The following EXOC4 variants were observed in gnomAD, a reference collection of about 807,000 sequenced individuals.
EXOC4 encodes SEC8-like 1.
Under a neutral mutation model 107.2 loss-of-function variants are expected in EXOC4, and 71 were observed. The observed-to-expected ratio is 0.66, with a 90% CI of 0.55 to 0.81. The LOEUF (loss-of-function observed/expected upper bound fraction) is 0.81, where lower values mean the gene tolerates loss of function less well. EXOC4 is among the 30% of genes least tolerant of loss of function. The probability of loss-of-function intolerance (pLI) is 0.00; values close to 1 mark genes in which losing one functional copy is unlikely to be tolerated. For synonymous variants in EXOC4, 456 were observed against 441.2 expected, an observed-to-expected ratio of 1.03 and a Z score of -0.42; for missense variants, 1,108 against 1,189.6, an observed-to-expected ratio of 0.93 and a Z score of 1.01.
At chr7:133,565,610 A>G (rs1800892723) in intron 9 of EXOC4, among the ~76,000 whole-genome samples, 1 of 152,180 alleles carries the variant, frequency 6.6e-6, no homozygotes, top group Admixed American at 6.6e-5. Context: ...GATATACAGT[A>G]ACCAATCTTT....
rs1585320276 is a variant in EXOC4, at chr7:134,011,507, T to G, written c.2687+3672T>G. Among the ~76,000 whole-genome samples, 4 of 151,742 alleles carry G rather than the reference T, an allele frequency of 2.6e-5. No individual in the cohort carries two copies. In the South Asian group the frequency reaches 8.3e-4, roughly 32 times the overall value. On this transcript the variant is annotated intron_variant, in intron 17 of 17. Transcript: ENST00000253861. Reference sequence around the variant, plus strand: ...TCCTCAGTTTTTCCCCTGATTTTGGTTTTTTTTGGACTGGTATCTTTCATT... The same window carrying G: ...TCCTCAGTTTTTCCCCTGATTTTGGGTTTTTTTGGACTGGTATCTTTCATT...
chr7:133,841,187 C>T (rs970377603), intron 11 of EXOC4, among the ~76,000 whole-genome samples: 6 of 152,132 alleles, frequency 3.9e-5, no homozygotes, highest in African/African-American at 1.4e-4. Flanking sequence ...GGGCACTAAT[C>T]CCATTTCATG....
intron 11 of EXOC4, among the ~76,000 whole-genome samples, chr7:133,875,014 T>C (rs1402453655): frequency 6.6e-6 from 1 of 152,220 alleles, no homozygotes; most frequent in Non-Finnish European, 1.5e-5. Context: ...CTTCTGTAAC[T>C]ACAGATGCTT....
rs369110502 is a variant in EXOC4, at chr7:133,997,536, C to A, written c.2251C>A (p.Pro751Thr). Reference protein sequence around the residue: ...QDSHTNTDLPPVSEQIMQTLS... With the variant: ...QDSHTNTDLPTVSEQIMQTLS... ...CAGCCACACGAACACGGATCTCCCC[C>A]CAGTGTCAGAGCAGATCATGCAGAC... Residue 751 changes from proline (P) to threonine (T), a missense_variant, in exon 15 of 18, where the codon CCA becomes ACA. By Grantham distance (38) the Pro-to-Thr change is conservative (BLOSUM62 -1). Transcript: ENST00000253861. The A allele has an allele frequency of 1.1e-5, 18 of 1,613,764 alleles. No homozygotes were observed. In the East Asian group the frequency reaches 2.0e-4, roughly 18 times the overall value.
Position 133,701,224 on chromosome 7 carries a change from CTT to C in EXOC4, c.1514+71084_1514+71085del, listed in dbSNP as rs1216281929. Among the ~76,000 whole-genome samples, 3 of 151,966 alleles carry C rather than the reference CTT, an allele frequency of 2.0e-5. No individual in the cohort carries two copies. The East Asian group carries it at 5.8e-4, about 29-fold the overall frequency. ...GAAATTTTTTATTATCCAAATAGCT[CTT>C]ACATGCCCCCAAAAGATCTCCACAG... is the stretch of plus-strand genomic sequence containing the variant. On this transcript the variant is annotated intron_variant, in intron 10 of 17. Coordinates refer to ENST00000253861, the MANE Select transcript of EXOC4 (RefSeq NM_021807.4).
chr7:133,719,904 A>AGGATGGAT (rs111740110), intron 10 of EXOC4, among the ~76,000 whole-genome samples: 108 of 151,960 alleles, frequency 7.1e-4, no homozygotes, highest in South Asian at 6.9e-3. Context: ...TTCTCAGGAA[A>AGGATGGAT]GGATGGATGG....
intron 12 of EXOC4, among the ~76,000 whole-genome samples, chr7:133,906,171 A>G (rs556096804): frequency 6.6e-6 from 1 of 152,308 alleles, no homozygotes; most frequent in Admixed American, 6.5e-5. Context: ...AATAGCACAG[A>G]CTAGACACTA....
chr7:133,491,829 A>G (rs962497723), intron 9 of EXOC4, among the ~76,000 whole-genome samples: 12 of 152,226 alleles, frequency 7.9e-5, no homozygotes, highest in African/African-American at 2.9e-4. Context: ...CGAACTGGTA[A>G]GATGAGTTGA....
At chr7:133,747,405 G>A (rs1175450585) in intron 10 of EXOC4, among the ~76,000 whole-genome samples, 1 of 152,134 alleles carries the variant, frequency 6.6e-6, no homozygotes, top group Non-Finnish European at 1.5e-5. Flanking sequence ...TTTTCTTATG[G>A]CAGTGGTAGT....
the EXOC4 span, among the ~76,000 whole-genome samples, chr7:134,076,647 T>C: frequency 3.3e-5 from 5 of 151,408 alleles, no homozygotes; most frequent in African/African-American, 1.2e-4. Context: ...ATATCCAACA[T>C]ATAAACAAAA....
intron 10 of EXOC4, among the ~76,000 whole-genome samples, chr7:133,806,642 G>T (rs1797084582): frequency 6.6e-6 from 1 of 152,020 alleles, no homozygotes. Context: ...CCCACCTCTG[G>T]AGTTCTAACC....
At chr7:133,626,946 G>C (rs1395409372) in intron 9 of EXOC4, among the ~76,000 whole-genome samples, 1 of 152,124 alleles carries the variant, frequency 6.6e-6, no homozygotes, top group South Asian at 2.1e-4. Flanking sequence ...GGTTTTGACA[G>C]TTTACATTTA....
rs1794805304 is a variant in EXOC4 at position 133,308,631 on chromosome 7, A to G, written c.656+2570A>G. ...ACAGAGGGGATCAGAAGCAATAATTAGAGTATAAATAAAAAAACCTACTTA... is the reference window on the plus strand; with the variant it reads ...ACAGAGGGGATCAGAAGCAATAATTGGAGTATAAATAAAAAAACCTACTTA... On this transcript the variant is annotated intron_variant, in intron 4 of 17. Transcript: ENST00000253861. Among the ~76,000 whole-genome samples the G allele has an allele frequency of 2.0e-5, 3 of 152,326 alleles. No homozygotes were observed. The South Asian group carries it at 6.2e-4, about 32-fold the overall frequency.
chr7:133,787,405 A>G (rs1329405989), intron 10 of EXOC4, among the ~76,000 whole-genome samples: 3 of 149,482 alleles, frequency 2.0e-5, no homozygotes, highest in African/African-American at 7.4e-5. Context: ...AGGTCTCCCT[A>G]TATTGCCCAG....
the EXOC4 span, among the ~76,000 whole-genome samples, chr7:134,098,568 G>A: frequency 6.6e-6 from 1 of 152,072 alleles, no homozygotes; most frequent in Non-Finnish European, 1.5e-5. Context: ...GGAGGGGTGG[G>A]GACAGCTGAG....
At chr7:134,040,132 TC>T (rs1436911520) in intron 17 of EXOC4, among the ~76,000 whole-genome samples, 1 of 152,220 alleles carries the variant, frequency 6.6e-6, no homozygotes, top group Non-Finnish European at 1.5e-5. Context: ...CAGCTGATGT[TC>T]ATGTCTCTTG....
intron 10 of EXOC4, among the ~76,000 whole-genome samples, chr7:133,717,807 C>G (rs1032571212): frequency 2.0e-5 from 3 of 152,116 alleles, no homozygotes; most frequent in Non-Finnish European, 2.9e-5. Flanking sequence ...TCATTGGAAC[C>G]AAAATTAACA....
chr7:134,074,867 G>A, the EXOC4 span, among the ~76,000 whole-genome samples: 2 of 152,240 alleles, frequency 1.3e-5, no homozygotes, highest in Non-Finnish European at 2.9e-5. Context: ...AACGAATAAT[G>A]ATTGTAGACT....
intron 9 of EXOC4, among the ~76,000 whole-genome samples, chr7:133,557,219 C>T (rs1262902028): frequency 6.6e-6 from 1 of 152,126 alleles, no homozygotes; most frequent in Non-Finnish European, 1.5e-5. Context: ...CTCTCAAATA[C>T]CACCCTGGTT....
Sources: gnomAD v4.1 joint callset for allele counts (sites outside exome capture counted in the v4.1 genomes callset) on GRCh38, gnomAD v4.1.1 for gene constraint, MANE v1.5 for transcripts, NCBI Gene and HGNC (gene_info 2026-07-23, HGNC 2026-07-21) for gene names.